The following MGAT4C variants were observed in gnomAD, a reference collection of about 807,000 sequenced individuals.
MGAT4C encodes alpha-1,3-mannosyl-glycoprotein 4-beta-N-acetylglucosaminyltransferase C.
Under a neutral mutation model 40.1 loss-of-function variants are expected in MGAT4C, and 19 were observed. That is an observed-to-expected ratio of 0.47 (90% CI 0.33 to 0.70). The LOEUF is 0.70. Among genes scored for constraint, MGAT4C ranks in the 30% least tolerant of loss-of-function variants. MGAT4C has a pLI of 0.02. For missense variants in MGAT4C, 491 were observed against 563.2 expected (o/e 0.87, Z 1.30); for synonymous variants, 181 against 187.1 (o/e 0.97, Z 0.27).
chr12:85,977,194 G>C lies in MGAT4C; in HGVS notation c.*2095C>G, dbSNP rs1421087949. 1 of 151,284 alleles carries C rather than the reference G, an allele frequency of 6.6e-6. No individual in the cohort carries two copies. The highest frequency in any genetic ancestry group is 2.4e-5 in the African/African-American group (1 of 41,360). The allele number at this position is 151,284 out of a possible 1,614,324, so 9.4% of individuals were successfully genotyped here. A position where few individuals can be genotyped will look rare whatever the true frequency, so the allele number is the denominator to read the frequency against. ...GACACCAATAGCTGATCTTTAGAAA[G>C]CCATTCCCAGAAGAATATGTAAGGG... On this transcript the variant is annotated 3_prime_UTR_variant, in exon 5 of 5. Transcript: ENST00000611864.
intron 3 of MGAT4C, among the ~76,000 whole-genome samples, chr12:86,400,529 A>G (rs577625279): frequency 3.0e-4 from 46 of 152,300 alleles, no homozygotes; most frequent in African/African-American, 1.1e-3. Flanking sequence ...ATTTTAGACC[A>G]AGCAAATCAC....
intron 2 of MGAT4C, among the ~76,000 whole-genome samples, chr12:86,441,717 G>A (rs891008926): frequency 3.9e-5 from 6 of 151,990 alleles, no homozygotes; most frequent in African/African-American, 1.2e-4. Context: ...TGGTGTATAT[G>A]TGCCACATTT....
intron 1 of MGAT4C, among the ~76,000 whole-genome samples, chr12:86,240,026 TAAAA>T (rs1287336143): frequency 1.4e-3 from 96 of 69,734 alleles, no homozygotes; most frequent in Non-Finnish European, 2.3e-3. Flanking sequence ...TAGAGTATAA[TAAAA>T]AAAAAAAATA....
intron 3 of MGAT4C, among the ~76,000 whole-genome samples, chr12:86,394,254 C>T (rs1012406905): frequency 5.3e-5 from 8 of 151,840 alleles, no homozygotes; most frequent in African/African-American, 1.9e-4. Flanking sequence ...TCAGACTATC[C>T]GTTATTTGCT....
intron 1 of MGAT4C, among the ~76,000 whole-genome samples, chr12:86,743,116 ATGTGTGTG>A (rs60215418): frequency 4.0e-4 from 58 of 144,582 alleles, no homozygotes; most frequent in Middle Eastern, 3.5e-3. Flanking sequence ...GTGTGTATGC[ATGTGTGTG>A]TGTGTGTGTG....
intron 1 of MGAT4C, among the ~76,000 whole-genome samples, chr12:86,119,556 C>T (rs1689362): frequency 0.57 from 85,852 of 151,396 alleles, 24,719 homozygotes; most frequent in South Asian, 0.71. Flanking sequence ...TACAGGCGTC[C>T]GCCACGATGC....
intron 1 of MGAT4C, among the ~76,000 whole-genome samples, chr12:86,090,040 C>A (rs1235879269): frequency 6.6e-6 from 1 of 151,462 alleles, no homozygotes; most frequent in Non-Finnish European, 1.5e-5. Flanking sequence ...ACAGTATTCT[C>A]TTCTATTTGG....
intron 2 of MGAT4C, among the ~76,000 whole-genome samples, chr12:86,686,399 T>A (rs1237343750): frequency 6.6e-6 from 1 of 152,186 alleles, no homozygotes; most frequent in East Asian, 1.9e-4. Context: ...GAAGAGGGCA[T>A]CCTTATCTTG....
At chr12:86,623,863 C>G (rs1001484750) in intron 2 of MGAT4C, among the ~76,000 whole-genome samples, 1 of 152,122 alleles carries the variant, frequency 6.6e-6, no homozygotes, top group Admixed American at 6.6e-5. Flanking sequence ...CATTTCTCCC[C>G]AGCTATGTGA....
At chr12:86,003,652 C>T (rs1295521964) in intron 2 of MGAT4C, among the ~76,000 whole-genome samples, 1 of 152,052 alleles carries the variant, frequency 6.6e-6, no homozygotes, top group Non-Finnish European at 1.5e-5. Context: ...TTTTTGTTAA[C>T]TTGAAGTTTT....
intron 1 of MGAT4C, among the ~76,000 whole-genome samples, chr12:86,789,613 A>C (rs1312037318): frequency 6.6e-6 from 1 of 152,076 alleles, no homozygotes; most frequent in African/African-American, 2.4e-5. Flanking sequence ...ATCTGTGAAC[A>C]TGGTAAAGTC....
intron 4 of MGAT4C, among the ~76,000 whole-genome samples, chr12:86,309,365 A>G (rs1262061992): frequency 1.3e-5 from 2 of 152,222 alleles, no homozygotes; most frequent in Non-Finnish European, 2.9e-5. Flanking sequence ...AATGTACTGT[A>G]AAGAAAATAA....
chr12:86,217,409 C>G (rs1950714564), intron 1 of MGAT4C, among the ~76,000 whole-genome samples: 1 of 152,154 alleles, frequency 6.6e-6, no homozygotes, highest in Admixed American at 6.5e-5. Context: ...CTCCTGACCT[C>G]AAATGATCCA....
intron 1 of MGAT4C, among the ~76,000 whole-genome samples, chr12:86,236,438 A>G (rs976544594): frequency 6.6e-6 from 1 of 152,066 alleles, no homozygotes; most frequent in African/African-American, 2.4e-5. Flanking sequence ...CCTATACATT[A>G]TAAGCAAAAA....
intron 2 of MGAT4C, among the ~76,000 whole-genome samples, chr12:86,616,809 G>A (rs1190532956): frequency 6.6e-6 from 1 of 151,092 alleles, no homozygotes; most frequent in Non-Finnish European, 1.5e-5. Context: ...GTAAACATAT[G>A]TATCCACATA....
At chr12:86,833,511 A>G (rs1952972267) in intron 1 of MGAT4C, among the ~76,000 whole-genome samples, 1 of 151,778 alleles carries the variant, frequency 6.6e-6, no homozygotes, top group Non-Finnish European at 1.5e-5. Context: ...TGGCTTGTAG[A>G]TGTCCGTCTT....
At position 86,627,815 on chromosome 12, in the gene MGAT4C, T is replaced by C. The variant is rs868488922; in HGVS notation, c.-229+99394A>G. On this transcript the variant is annotated intron_variant, in intron 2 of 7. Transcript: ENST00000548651. Reference sequence around the variant, plus strand: ...ACAAGAGCAGAAAAGCTGAAAATTCTAAAAACCAGAGTGCGCCTTCTCCTC... The same window carrying C: ...ACAAGAGCAGAAAAGCTGAAAATTCCAAAAACCAGAGTGCGCCTTCTCCTC... Among the ~76,000 whole-genome samples the C allele has an allele frequency of 6.4e-4, 97 of 151,042 alleles. 1 individual carries two copies. Among genetic ancestry groups the C allele is most frequent in the African/African-American group, 2.3e-3 (94 of 41,478 alleles).
intron 1 of MGAT4C, among the ~76,000 whole-genome samples, chr12:86,096,487 T>A (rs1873947409): frequency 6.7e-6 from 1 of 149,798 alleles, no homozygotes; most frequent in Non-Finnish European, 1.5e-5. Flanking sequence ...ATTATCTTAA[T>A]TGGTTGTCTG....
At chr12:86,057,496 A>G (rs556099734) in intron 1 of MGAT4C, among the ~76,000 whole-genome samples, 2 of 152,306 alleles carry the variant, frequency 1.3e-5, no homozygotes, top group African/African-American at 4.8e-5. Context: ...TATTTTCCAA[A>G]CACATTTCAT....
Sources: allele counts gnomAD v4.1 joint callset (sites outside exome capture counted in the v4.1 genomes callset), GRCh38; gene constraint gnomAD v4.1.1; transcripts MANE v1.5; gene names NCBI Gene and HGNC (gene_info 2026-07-23, HGNC 2026-07-21).